FDX2: variants seen among roughly 807,000 people sequenced by gnomAD.
FDX2 encodes ferredoxin-2, mitochondrial.
A neutral mutation model predicts 18.5 loss-of-function variants in FDX2; 13 were observed. The observed-to-expected ratio is 0.70, with a 90% CI of 0.46 to 1.12. FDX2 has a LOEUF of 1.12. Among genes scored for constraint, FDX2 ranks in the 50% most tolerant of loss-of-function variants. The pLI is 0.00. For missense variants in FDX2, 238 were observed against 250.4 expected (o/e 0.95, Z 0.34); for synonymous variants, 132 against 106.2 (o/e 1.24, Z -1.49).
Position 10,315,868 on chromosome 19 carries a change from T to C in FDX2, c.138A>G (p.Arg46=), listed in dbSNP as rs772798670. 2 of 1,600,762 alleles carry C rather than the reference T, an allele frequency of 1.2e-6. No individual in the cohort carries two copies. Among genetic ancestry groups the C allele is most frequent in the Admixed American group, 1.8e-5 (1 of 55,334 alleles). ...CCCAGGTACCTGTCGCTTGAAACTT[T>C]CTGGTTGTCCCCAGCGCCACCCCCT... Residue 46 remains arginine, a synonymous_variant, in exon 1 of 5, where the codon AGA becomes AGG. Coordinates refer to ENST00000393708, the MANE Select transcript of FDX2 (RefSeq NM_001031734.4).
chr19:10,315,029 A>G (rs2040363262), intron 3 of FDX2, among the ~76,000 whole-genome samples: 1 of 152,144 alleles, frequency 6.6e-6, no homozygotes, highest in Non-Finnish European at 1.5e-5. Context: ...TGAACCCGGG[A>G]GGTGGAGGTT....
chr19:10,313,542 A>G (rs1475754850), intron 3 of FDX2, among the ~76,000 whole-genome samples: 2 of 151,054 alleles, frequency 1.3e-5, no homozygotes, highest in East Asian at 1.9e-4. Context: ...GACCAGGTCT[A>G]CTTAACCTGG....
Position 10,315,616 on chromosome 19 carries a change from G to A in FDX2, c.209+89C>T, listed in dbSNP as rs557392957. ...GGTACTGAATAGGGCAAAGCAGAAGGGGGACCTCGAGATGAAGCTACAGGG... is the reference window on the plus strand; with the variant it reads ...GGTACTGAATAGGGCAAAGCAGAAGAGGGACCTCGAGATGAAGCTACAGGG... On this transcript the variant is annotated intron_variant, in intron 2 of 4. Coordinates refer to ENST00000393708, the MANE Select transcript of FDX2 (RefSeq NM_001031734.4). The A allele has an allele frequency of 1.3e-4, 201 of 1,517,958 alleles. 1 individual carries two copies. In the African/African-American group the frequency reaches 2.6e-3, roughly 20 times the overall value. 94.0% of individuals were successfully genotyped at this position (1,517,958 alleles called of 1,614,324 possible).
chr19:10,310,552 C>T lies in FDX2; in HGVS notation c.495G>A (p.Ala165=), dbSNP rs145982325. ...TGGTGATCTTGGGCAGGGTGAATTCCGCTCCTTCCAGCTCCGGTGTCAGCA... is the reference window on the plus strand; with the variant it reads ...TGGTGATCTTGGGCAGGGTGAATTCTGCTCCTTCCAGCTCCGGTGTCAGCA... Residue 165 remains alanine (A), a synonymous_variant, in exon 5 of 5, where the codon GCG becomes GCA. Transcript: ENST00000393708. The T allele has an allele frequency of 2.7e-5, 43 of 1,614,014 alleles. No individual in the cohort carries two copies. The highest frequency in any genetic ancestry group is 2.1e-4 in the African/African-American group (16 of 74,902).
intron 3 of FDX2, 65 bp downstream of exon 3, chr19:10,315,321 T>TTTTTTG: frequency 1.6e-6 from 1 of 622,142 alleles, no homozygotes. Context: ...ATTTGTGGGT[T>TTTTTTG]TTTTTTTTTT....
In FDX2 at chr19:10,315,931, G is replaced by A. The variant is rs1304583834; in HGVS notation, c.75C>T (p.Thr25=). 1 of 1,609,568 alleles carries A rather than the reference G, an allele frequency of 6.2e-7. No homozygotes were observed. Among genetic ancestry groups the A allele is most frequent in the East Asian group, 2.2e-5 (1 of 44,714 alleles). ...AAGTGCCCCCAGGTCTGTTCCACCA[G>A]GTGCCCCTGGCAGCCTGCAGTAGAA... Residue 25 remains threonine (T), a synonymous_variant, in exon 1 of 5, where the codon ACC becomes ACT. Coordinates refer to ENST00000393708, the MANE Select transcript of FDX2 (RefSeq NM_001031734.4).
chr19:10,311,241 G>A (rs67500360), intron 3 of FDX2, among the ~76,000 whole-genome samples: 9,554 of 152,182 alleles, frequency 0.063, 500 homozygotes, highest in Admixed American at 0.15. Context: ...GTAGCTGAGA[G>A]GGGAAAGGCC....
chr19:10,310,921 C>A lies in FDX2; in HGVS notation c.336G>T (p.Leu112=), dbSNP rs2040317625. ...CATACACATGGCAGGTGGAGCAGGC[C>A]AGGGAGGCTTCACAGGCCCCTAGGG... The change falls in exon 4 of 5, where the codon CTG becomes CTT. Residue 112 remains leucine, a synonymous_variant. Coordinates refer to ENST00000393708, the MANE Select transcript of FDX2 (RefSeq NM_001031734.4). 1 of 1,612,896 alleles carries A rather than the reference C, an allele frequency of 6.2e-7. No homozygotes were observed.
intron 3 of FDX2, among the ~76,000 whole-genome samples, chr19:10,311,314 GT>G: frequency 6.6e-6 from 1 of 152,090 alleles, no homozygotes; most frequent in East Asian, 1.9e-4. Flanking sequence ...GGGCTAATGT[GT>G]CCCCACCTCT....
At chr19:10,313,136 T>C (rs2040340490) in intron 3 of FDX2, among the ~76,000 whole-genome samples, 1 of 152,166 alleles carries the variant, frequency 6.6e-6, no homozygotes, top group Non-Finnish European at 1.5e-5. Flanking sequence ...AGACTCTGTC[T>C]CAGATAAATA....
At chr19:10,314,297 T>C (rs937199313) in intron 3 of FDX2, among the ~76,000 whole-genome samples, 1 of 152,236 alleles carries the variant, frequency 6.6e-6, no homozygotes, top group African/African-American at 2.4e-5. Flanking sequence ...AAATTTCTAT[T>C]ATTATTTTTC....
At position 10,310,529 on chromosome 19, in the gene FDX2, G is replaced by A. The variant is rs2040312215; in HGVS notation, c.518C>T (p.Thr173Ile). 2 of 1,614,054 alleles carry A rather than the reference G, an allele frequency of 1.2e-6. No homozygotes were observed. Among genetic ancestry groups the A allele is most frequent in the African/African-American group, 1.3e-5 (1 of 74,922 alleles). ...ATGGCCATCCACGTAGAAGTTCCTG[G>A]TGATCTTGGGCAGGGTGAATTCCGC... is the stretch of plus-strand genomic sequence containing the variant. Residue 173 changes from threonine to isoleucine, a missense_variant, in exon 5 of 5, where the codon ACC becomes ATC. Coordinates refer to ENST00000393708, the MANE Select transcript of FDX2 (RefSeq NM_001031734.4).
At chr19:10,313,688 T>A (rs1464820914) in intron 3 of FDX2, among the ~76,000 whole-genome samples, 12 of 98,086 alleles carry the variant, frequency 1.2e-4, no homozygotes, top group African/African-American at 3.3e-4. Flanking sequence ...TTTTTTTTTT[T>A]TTTTTTTTTT....
At position 10,315,974 on chromosome 19, in the gene FDX2, C is replaced by G; in HGVS notation, c.32G>C (p.Gly11Ala). 6.2e-7 allele frequency: 1 copy of G among 1,609,292 alleles called. No homozygotes were observed. Among genetic ancestry groups the G allele is most frequent in the South Asian group, 1.1e-5 (1 of 90,626 alleles). The change falls in exon 1 of 5, where the codon GGA becomes GCA. Residue 11 changes from glycine to alanine, a missense_variant. Coordinates refer to ENST00000393708, the MANE Select transcript of FDX2 (RefSeq NM_001031734.4). The stretch of plus-strand genomic sequence containing the variant: ...CAGTAGAACCCTGGCACTCACGCCT[C>G]CCCGGGCCATGGAGGCGGCCATGAC...
At position 10,310,117 on chromosome 19, in the gene FDX2, G is replaced by A. The variant is rs2040307898; in HGVS notation, c.*369C>T. ...GATGGTCTTAAGCTCCTGGCCTCAA[G>A]TGATCCTCCCATCTTGGCTTCCCAA... On this transcript the variant is annotated 3_prime_UTR_variant, in exon 5 of 5. Transcript: ENST00000393708. 1 of 239,436 alleles carries A rather than the reference G, an allele frequency of 4.2e-6. No individual in the cohort carries two copies. Among genetic ancestry groups the A allele is most frequent in the South Asian group, 7.1e-5 (1 of 14,168 alleles). The allele number at this position is 239,436 out of a possible 1,614,324, so 14.8% of individuals were successfully genotyped here. A position where few individuals can be genotyped will look rare whatever the true frequency, so the allele number is the denominator to read the frequency against.
rs552169787 is a variant in FDX2 at position 10,310,078 on chromosome 19, G to A, written c.*408C>T. ...ACTGTTTTTATAGAGACGAGGTCTCGCCATGTTGCCCAGGATGGTCTTAAG... is the reference window on the plus strand; with the variant it reads ...ACTGTTTTTATAGAGACGAGGTCTCACCATGTTGCCCAGGATGGTCTTAAG... On this transcript the variant is annotated 3_prime_UTR_variant, in exon 5 of 5. Coordinates refer to ENST00000393708, the MANE Select transcript of FDX2 (RefSeq NM_001031734.4). 4.2e-5 allele frequency: 8 copies of A among 189,062 alleles called. No homozygotes were observed. The highest frequency in any genetic ancestry group is 7.7e-5 in the Non-Finnish European group (7 of 90,334). The allele number at this position is 189,062 out of a possible 1,614,324, so 11.7% of individuals were successfully genotyped here.
At position 10,315,318 on chromosome 19, in the gene FDX2, G is replaced by GTTTT. The variant is rs374084891; in HGVS notation, c.316+67_316+68insAAAA. The GTTTT allele has an allele frequency of 2.4e-3, 1,033 of 428,064 alleles. 148 individuals are homozygous for GTTTT. The highest frequency in any genetic ancestry group is 5.1e-3 in the South Asian group (151 of 29,870). 26.5% of individuals were successfully genotyped at this position (428,064 alleles called of 1,614,324 possible). ...CGTGAAGAGACACACCTAATTTGTG[G>GTTTT]GTTTTTTTTTTTTTTTTTTTGGACA... is the stretch of plus-strand genomic sequence containing the variant. On this transcript the variant is annotated intron_variant, in intron 3 of 4. Transcript: ENST00000393708.
Position 10,310,418 on chromosome 19 carries a change from G to A in FDX2, c.*68C>T, listed in dbSNP as rs1400700760. 1 of 1,604,100 alleles carries A rather than the reference G, an allele frequency of 6.2e-7. No individual in the cohort carries two copies. The highest frequency in any genetic ancestry group is 1.3e-5 in the African/African-American group (1 of 74,832). On this transcript the variant is annotated 3_prime_UTR_variant, in exon 5 of 5. Transcript: ENST00000393708. Reference sequence around the variant, plus strand: ...GCCTGTCCGCACTCTGGGCAGGGCTGGCACCTGGCTATTCCCTCAATCTGG... The same window carrying A: ...GCCTGTCCGCACTCTGGGCAGGGCTAGCACCTGGCTATTCCCTCAATCTGG...
At chr19:10,311,866 ATTTTTTT>A (rs34531286) in intron 3 of FDX2, among the ~76,000 whole-genome samples, 1 of 97,278 alleles carries the variant, frequency 1.0e-5, no homozygotes, top group Non-Finnish European at 1.9e-5. Flanking sequence ...CACCTGGCTA[ATTTTTTT>A]TTTTTTTTTT....
Sources: allele counts gnomAD v4.1 joint callset (sites outside exome capture counted in the v4.1 genomes callset), GRCh38; gene constraint gnomAD v4.1.1; transcripts MANE v1.5; gene names NCBI Gene and HGNC (gene_info 2026-07-23, HGNC 2026-07-21).